The following TRIM67 variants were observed in gnomAD, a reference collection of about 807,000 sequenced individuals.
TRIM67 encodes tripartite motif containing 67, also known as tripartite motif-containing protein 67.
A neutral mutation model predicts 71.0 loss-of-function variants in TRIM67; 39 were observed. That is an observed-to-expected ratio of 0.55 (90% CI 0.43 to 0.72). The LOEUF (loss-of-function observed/expected upper bound fraction) is 0.72, where lower values mean the gene tolerates loss of function less well. Ranked by LOEUF, TRIM67 falls within the 30% of genes least tolerant of loss-of-function variation. TRIM67 has a pLI of 0.00. For missense variants in TRIM67, 973 were observed against 1,079.2 expected (o/e 0.90, Z 1.38); for synonymous variants, 481 against 473.9 (o/e 1.01, Z -0.19).
intron 1 of TRIM67, among the ~76,000 whole-genome samples, chr1:231,170,265 TG>T (rs1682590038): frequency 6.6e-6 from 1 of 152,150 alleles, no homozygotes; most frequent in Admixed American, 6.5e-5. Context: ...GGATTACAGA[TG>T]TGAGCCACCG....
intron 1 of TRIM67, among the ~76,000 whole-genome samples, chr1:231,174,873 A>G (rs1049342744): frequency 6.6e-6 from 1 of 152,214 alleles, no homozygotes; most frequent in East Asian, 1.9e-4. Context: ...GCATAAATAA[A>G]CAAAATAAGT....
chr1:231,195,361 G>A (rs1683339118), intron 1 of TRIM67, among the ~76,000 whole-genome samples: 1 of 152,210 alleles, frequency 6.6e-6, no homozygotes, highest in Admixed American at 6.5e-5. Flanking sequence ...GGCAGCTAGC[G>A]GCTACCGTCA....
intron 1 of TRIM67, among the ~76,000 whole-genome samples, chr1:231,193,503 GCTCTCTCTCTCTCTCTCTCT>G (rs3049035): frequency 4.9e-5 from 4 of 81,946 alleles, no homozygotes; most frequent in East Asian, 7.0e-4. Context: ...TCTCTCTCAA[GCTCTCTCTCTCTCTCTCTCT>G]CTCTCTCTCT....
chr1:231,187,543 G>T, intron 1 of TRIM67: 1 of 1,532,658 alleles, frequency 6.5e-7, no homozygotes, highest in African/African-American at 1.4e-5. Context: ...AGATAAAAAG[G>T]TGAGAGAAAT....
Position 231,216,789 on chromosome 1 carries a change from G to A in TRIM67, c.*1349G>A, listed in dbSNP as rs113630873. Reference sequence around the variant, plus strand: ...CACATTGATTCATCCACACCTCTCAGAGACAGCTCATGGCAGGGGTTTTGA... The same window carrying A: ...CACATTGATTCATCCACACCTCTCAAAGACAGCTCATGGCAGGGGTTTTGA... On this transcript the variant is annotated 3_prime_UTR_variant, in exon 10 of 10. Transcript: ENST00000366653. The A allele has an allele frequency of 2.0e-6, 2 of 985,528 alleles. No individual in the cohort carries two copies. Among genetic ancestry groups the A allele is most frequent in the Non-Finnish European group, 2.4e-6 (2 of 829,986 alleles). 61.0% of individuals were successfully genotyped at this position (985,528 alleles called of 1,614,324 possible).
chr1:231,178,281 C>T (rs1435149641), intron 1 of TRIM67, among the ~76,000 whole-genome samples: 4 of 152,290 alleles, frequency 2.6e-5, no homozygotes, highest in South Asian at 2.1e-4. Flanking sequence ...TTACTAAAAT[C>T]ATTGGTGCTA....
chr1:231,188,436 G>A (rs1683143692), intron 1 of TRIM67, among the ~76,000 whole-genome samples: 1 of 152,206 alleles, frequency 6.6e-6, no homozygotes, highest in Non-Finnish European at 1.5e-5. Flanking sequence ...CAGAATGCCA[G>A]GGACAAGGGT....
At position 231,218,300 on chromosome 1, in the gene TRIM67, C is replaced by A; in HGVS notation, c.*2860C>A. 8 of 986,352 alleles carry A rather than the reference C, an allele frequency of 8.1e-6. No individual in the cohort carries two copies. In the South Asian group the frequency reaches 3.3e-4, roughly 40 times the overall value. The allele number at this position is 986,352 out of a possible 1,614,324, so 61.1% of individuals were successfully genotyped here. A position where few individuals can be genotyped will look rare whatever the true frequency, so the allele number is the denominator to read the frequency against. On this transcript the variant is annotated 3_prime_UTR_variant, in exon 10 of 10. Transcript: ENST00000366653. ...ACATATAAATGATATCAAGATGAGG[C>A]TTTTGTTGGGCTGGCTGAGGAGTAA...
chr1:231,192,770 G>A (rs1179143484), intron 1 of TRIM67, among the ~76,000 whole-genome samples: 5 of 152,256 alleles, frequency 3.3e-5, no homozygotes, highest in South Asian at 2.1e-4. Context: ...CCAATGTGGC[G>A]TGCATTGAGG....
rs1280473908 is a variant in TRIM67 at position 231,220,287 on chromosome 1, T to C, written c.*4847T>C. The C allele has an allele frequency of 7.9e-6, 2 of 252,070 alleles. No homozygotes were observed. The highest frequency in any genetic ancestry group is 2.3e-5 in the African/African-American group (1 of 44,242). The allele number at this position is 252,070 out of a possible 1,614,324, so 15.6% of individuals were successfully genotyped here. A position where few individuals can be genotyped will look rare whatever the true frequency, so the allele number is the denominator to read the frequency against. ...CTTTAAGACAGGTTTCCTATGACCA[T>C]AGAAAGTAACACCCCATATGTTTCC... On this transcript the variant is annotated 3_prime_UTR_variant, in exon 10 of 10. Transcript: ENST00000366653.
chr1:231,167,933 G>C (rs1227760696), intron 1 of TRIM67, among the ~76,000 whole-genome samples: 5 of 151,986 alleles, frequency 3.3e-5, no homozygotes, highest in Non-Finnish European at 7.4e-5. Context: ...GTGATCACAG[G>C]TAAAAATATT....
chr1:231,209,595 T>C lies in TRIM67; in HGVS notation c.2123+345T>C, dbSNP rs1480591871. Among the ~76,000 whole-genome samples the C allele has an allele frequency of 6.6e-6, 1 of 152,146 alleles. No homozygotes were observed. Among genetic ancestry groups the C allele is most frequent in the Non-Finnish European group, 1.5e-5 (1 of 68,020 alleles). On this transcript the variant is annotated intron_variant, in intron 8 of 9. Coordinates refer to ENST00000366653, the MANE Select transcript of TRIM67 (RefSeq NM_001004342.5). This position sits in a 1 kb window ranked among gnomAD's most constrained non-coding sequence, Gnocchi z 4.1. The stretch of plus-strand genomic sequence containing the variant: ...TTTCAACTGTCAACCCAAGCTTGGG[T>C]TGCTGCAGGGTGTTAATGGGCACCA...
intron 8 of TRIM67, among the ~76,000 whole-genome samples, chr1:231,212,892 G>A (rs1683912034): frequency 6.6e-6 from 1 of 152,128 alleles, no homozygotes. Flanking sequence ...TGCCAACACT[G>A]ATCAAGAGCA....
chr1:231,219,318 T>C lies in TRIM67; in HGVS notation c.*3878T>C. 2 of 984,440 alleles carry C rather than the reference T, an allele frequency of 2.0e-6. No individual in the cohort carries two copies. Among genetic ancestry groups the C allele is most frequent in the Non-Finnish European group, 2.4e-6 (2 of 828,964 alleles). The allele number at this position is 984,440 out of a possible 1,614,324, so 61.0% of individuals were successfully genotyped here. ...GACAACCAAAAGTATCTGTCGACAT[T>C]GCTAGGTATCTCCTGGGGGCCTCCA... On this transcript the variant is annotated 3_prime_UTR_variant, in exon 10 of 10. Coordinates refer to ENST00000366653, the MANE Select transcript of TRIM67 (RefSeq NM_001004342.5).
rs1682347488 is a variant in TRIM67 at position 231,163,322 on chromosome 1, G to A, written c.353G>A (p.Ser118Asn). 2 of 1,522,350 alleles carry A rather than the reference G, an allele frequency of 1.3e-6. No individual in the cohort carries two copies. The highest frequency in any genetic ancestry group is 1.8e-6 in the Non-Finnish European group (2 of 1,133,852). 94.3% of individuals were successfully genotyped at this position (1,522,350 alleles called of 1,614,324 possible). A position where few individuals can be genotyped will look rare whatever the true frequency, so the allele number is the denominator to read the frequency against. ...TDSGYGSYTP[S>N]LKSPNGVRVL... ...AGCGGCTACGGGTCCTACACCCCGA[G>A]CCTCAAGTCCCCCAACGGGGTTCGC... Residue 118 changes from serine (S) to asparagine (N), a missense_variant, in exon 1 of 10, where the codon AGC becomes AAC. Ser to Asn is a conservative substitution (Grantham distance 46, BLOSUM62 1). Coordinates refer to ENST00000366653, the MANE Select transcript of TRIM67 (RefSeq NM_001004342.5).
Position 231,201,436 on chromosome 1 carries a change from G to A in TRIM67, c.1453G>A (p.Ala485Thr). Residue 485 changes from alanine (A) to threonine (T), a missense_variant, in exon 5 of 10, where the codon GCG (alanine) becomes ACG (threonine). Ala to Thr is a moderately conservative substitution (Grantham distance 58). Around this residue, in one of 2 missense-constraint regions of TRIM67, gnomAD observed 795 missense variants for 831.3 expected, o/e 0.96. Transcript: ENST00000366653. ...AGGCGCCCTGGAGCCGAAAGTGTCT[G>A]CGGAGTTTGATCTGACTTTGGACAG... ...VKGALEPKVS[A>T]EFDLTLDSEP... is the part of the protein sequence containing the mutation. 6.2e-7 allele frequency: 1 copy of A among 1,613,712 alleles called. No homozygotes were observed. The highest frequency in any genetic ancestry group is 8.5e-7 in the Non-Finnish European group (1 of 1,179,788).
intron 7 of TRIM67, among the ~76,000 whole-genome samples, chr1:231,207,714 T>A (rs370618021): frequency 1.3e-5 from 2 of 152,310 alleles, no homozygotes; most frequent in Middle Eastern, 3.4e-3. Flanking sequence ...CTGAAAATGA[T>A]GCCACCTGCA....
chr1:231,221,137 G>A lies in TRIM67; in HGVS notation c.*5697G>A, dbSNP rs1019555679. The A allele has an allele frequency of 1.3e-5, 2 of 152,250 alleles. No individual in the cohort carries two copies. The highest frequency in any genetic ancestry group is 2.9e-5 in the Non-Finnish European group (2 of 68,056). The allele number at this position is 152,250 out of a possible 1,614,324, so 9.4% of individuals were successfully genotyped here. A position where few individuals can be genotyped will look rare whatever the true frequency, so the allele number is the denominator to read the frequency against. ...GGCACTAAGCTGTTGTATTAAGCAT[G>A]AGAGGTGTTTGTTTAACGTTGGCAA... On this transcript the variant is annotated 3_prime_UTR_variant, in exon 10 of 10. Coordinates refer to ENST00000366653, the MANE Select transcript of TRIM67 (RefSeq NM_001004342.5).
At position 231,219,394 on chromosome 1, in the gene TRIM67, TA is replaced by T. The variant is rs1684088680; in HGVS notation, c.*3955del. 2.0e-6 allele frequency: 2 copies of T among 1,009,654 alleles called. No individual in the cohort carries two copies. The highest frequency in any genetic ancestry group is 1.0e-4 in the East Asian group (1 of 9,720). 62.5% of individuals were successfully genotyped at this position (1,009,654 alleles called of 1,614,324 possible). On this transcript the variant is annotated 3_prime_UTR_variant, in exon 10 of 10. Coordinates refer to ENST00000366653, the MANE Select transcript of TRIM67 (RefSeq NM_001004342.5). The stretch of plus-strand genomic sequence containing the variant: ...CAGTGGTTTGTCATGCATGGATCTG[TA>T]GAGGGACTGTGGCGCTCCGGCTGCT...
Sources: gnomAD v4.1 joint callset for allele counts (sites outside exome capture counted in the v4.1 genomes callset) on GRCh38, gnomAD v4.1.1 for gene constraint, gnomAD v4.1.1 regional missense constraint, Gnocchi (gnomAD v3.1) non-coding constraint, MANE v1.5 for transcripts, NCBI Gene and HGNC (gene_info 2026-07-23, HGNC 2026-07-21) for gene names.